Variants in STX8 observed in about 807,000 individuals in gnomAD.
The protein encoded by STX8 is syntaxin-8.
In STX8, 23 loss-of-function variants were observed where a neutral mutation model predicts 37.5. The ratio of observed to expected loss-of-function variants is 0.61; its 90% confidence interval spans 0.44 to 0.87. The LOEUF (loss-of-function observed/expected upper bound fraction) is 0.87. Ranked by LOEUF, STX8 falls within the 40% of genes least tolerant of loss-of-function variation. The pLI is 0.00. For missense variants in STX8, 313 were observed against 284.7 expected, an observed-to-expected ratio of 1.10 and a Z score of -0.71; for synonymous variants, 115 against 99.1, an observed-to-expected ratio of 1.16 and a Z score of -0.95.
chr17:9,531,168 C>T (rs1349136147), intron 4 of STX8, among the ~76,000 whole-genome samples: 1 of 152,232 alleles, frequency 6.6e-6, no homozygotes, highest in Non-Finnish European at 1.5e-5. Context: ...GCTAACACCA[C>T]ACTACAGCTT....
chr17:9,466,032 G>A (rs557342990), intron 6 of STX8, among the ~76,000 whole-genome samples: 20 of 151,744 alleles, frequency 1.3e-4, no homozygotes, highest in Non-Finnish European at 2.1e-4. Flanking sequence ...GTGCACTGGC[G>A]CAATCTCGGC....
At chr17:9,491,692 C>G (rs1166029869) in intron 6 of STX8, 137 bp downstream of exon 6, 3 of 709,140 alleles carry the variant, frequency 4.2e-6, no homozygotes, top group Non-Finnish European at 6.9e-6. Flanking sequence ...AACCCCCACT[C>G]CAATGCGTTA....
chr17:9,312,834 GT>G (rs536372480), intron 7 of STX8, among the ~76,000 whole-genome samples: 45 of 152,278 alleles, frequency 3.0e-4, no homozygotes, highest in African/African-American at 1.0e-3. Flanking sequence ...GACCTAGAGT[GT>G]TGGATAGATC....
intron 6 of STX8, among the ~76,000 whole-genome samples, chr17:9,397,467 T>C (rs1045081224): frequency 6.6e-6 from 1 of 152,128 alleles, no homozygotes; most frequent in Non-Finnish European, 1.5e-5. Flanking sequence ...ACTCTCACTG[T>C]TGGAATGATA....
chr17:9,447,046 C>T (rs950957461), intron 6 of STX8, among the ~76,000 whole-genome samples: 1 of 152,094 alleles, frequency 6.6e-6, no homozygotes. Flanking sequence ...GCATAGAATA[C>T]GATCAGTGAA....
intron 7 of STX8, among the ~76,000 whole-genome samples, chr17:9,362,307 A>T (rs947958410): frequency 3.3e-5 from 5 of 152,210 alleles, no homozygotes; most frequent in Non-Finnish European, 7.3e-5. Flanking sequence ...CCTGCATGAC[A>T]GTGTGAGACT....
At chr17:9,377,586 T>A (rs1292357457) in intron 7 of STX8, among the ~76,000 whole-genome samples, 2 of 152,214 alleles carry the variant, frequency 1.3e-5, no homozygotes, top group Non-Finnish European at 2.9e-5. Context: ...GCCTCCCAAG[T>A]AGCTGGGACT....
intron 7 of STX8, among the ~76,000 whole-genome samples, chr17:9,307,858 T>C (rs944190607): frequency 6.6e-6 from 1 of 152,034 alleles, no homozygotes; most frequent in African/African-American, 2.4e-5. Flanking sequence ...TCTTAGAAGC[T>C]AGAACTCTTC....
intron 7 of STX8, among the ~76,000 whole-genome samples, chr17:9,312,807 G>A (rs545466484): frequency 9.9e-5 from 15 of 152,284 alleles, no homozygotes; most frequent in African/African-American, 3.1e-4. Flanking sequence ...CTGCAGTCAC[G>A]GAGATGGAGA....
At chr17:9,516,740 C>A (rs1905170847) in intron 4 of STX8, among the ~76,000 whole-genome samples, 1 of 152,082 alleles carries the variant, frequency 6.6e-6, no homozygotes, top group African/African-American at 2.4e-5. Context: ...AAACATAATT[C>A]TTGCTTTCAA....
chr17:9,264,660 AAAC>A, intron 7 of STX8, among the ~76,000 whole-genome samples: 1 of 152,344 alleles, frequency 6.6e-6, no homozygotes, highest in South Asian at 2.1e-4. Context: ...GCCAAACTGC[AAAC>A]AACAATTCTC....
chr17:9,496,638 A>C (rs1000690193), intron 5 of STX8, among the ~76,000 whole-genome samples: 1 of 152,204 alleles, frequency 6.6e-6, no homozygotes, highest in Non-Finnish European at 1.5e-5. Context: ...CTTACATGGC[A>C]AAAGGGACTT....
At chr17:9,355,261 T>C (rs982417597) in intron 7 of STX8, among the ~76,000 whole-genome samples, 3 of 152,070 alleles carry the variant, frequency 2.0e-5, no homozygotes, top group African/African-American at 7.2e-5. Flanking sequence ...GTGGCATTCC[T>C]ACTCTTTCGA....
At chr17:9,386,478 C>T (rs774896259) in intron 6 of STX8, among the ~76,000 whole-genome samples, 2 of 151,878 alleles carry the variant, frequency 1.3e-5, no homozygotes. Context: ...TTCGAAAGGT[C>T]ATACAAATTC....
intron 6 of STX8, chr17:9,470,137 C>A (rs145493158): frequency 1.3e-5 from 2 of 152,276 alleles, no homozygotes; most frequent in African/African-American, 4.8e-5. Flanking sequence ...AATAAAGAGT[C>A]CTTATCACTG....
chr17:9,303,451 A>AGT (rs200162598), intron 7 of STX8, among the ~76,000 whole-genome samples: 49 of 151,746 alleles, frequency 3.2e-4, no homozygotes, highest in South Asian at 2.1e-3. Context: ...CCTTTACCCT[A>AGT]GTGTGTGTGT....
chr17:9,547,246 C>CAAAAAAAAAAAAAAAAAAAAAAAAAAA (rs11300957), intron 3 of STX8: 2 of 129,636 alleles, frequency 1.5e-5, no homozygotes, highest in African/African-American at 6.1e-5. Flanking sequence ...GACTCTGTCT[C>CAAAAAAAAAAAAAAAAAAAAAAAAAAA]AAAAAAAAAA....
chr17:9,408,988 G>A (rs1912891822), intron 6 of STX8, among the ~76,000 whole-genome samples: 1 of 151,902 alleles, frequency 6.6e-6, no homozygotes, highest in African/African-American at 2.4e-5. Flanking sequence ...CTGGAAATCA[G>A]AGTTAAGCCC....
intron 6 of STX8, among the ~76,000 whole-genome samples, chr17:9,437,450 C>T (rs534600144): frequency 3.9e-5 from 6 of 152,092 alleles, no homozygotes; most frequent in Non-Finnish European, 5.9e-5. Context: ...TGGACACAAG[C>T]GAAGAGTAAC....
Sources: allele counts gnomAD v4.1 joint callset (sites outside exome capture counted in the v4.1 genomes callset), GRCh38; gene constraint gnomAD v4.1.1; transcripts MANE v1.5; gene names NCBI Gene and HGNC (gene_info 2026-07-23, HGNC 2026-07-21).